The following STK33 variants were observed in gnomAD, a reference collection of about 807,000 sequenced individuals.
The protein encoded by STK33 is serine/threonine kinase 33.
STK33 carries 52 observed loss-of-function variants against 58.0 expected under a neutral mutation model. The observed-to-expected ratio is 0.90, with a 90% confidence interval of 0.72 to 1.13. STK33 has a LOEUF of 1.13. Ranked by LOEUF, STK33 falls within the 50% of genes most tolerant of loss-of-function variation. The pLI is 0.00. For missense variants in STK33, 630 were observed against 604.2 expected, an observed-to-expected ratio of 1.04 and a Z score of -0.45; for synonymous variants, 215 against 200.1, an observed-to-expected ratio of 1.07 and a Z score of -0.63.
chr11:8,390,872 T>C (rs151037124), downstream of STK33, among the ~76,000 whole-genome samples: 1,059 of 152,332 alleles, frequency 7.0e-3, 11 homozygotes, highest in African/African-American at 0.023. Context: ...AACAATAGGA[T>C]CTTCTAATCC....
intron 2 of STK33, among the ~76,000 whole-genome samples, chr11:8,479,466 T>C (rs996064036): frequency 3.3e-5 from 5 of 149,338 alleles, no homozygotes; most frequent in Non-Finnish European, 7.4e-5. Context: ...GAAATTGCAG[T>C]TTAGAGACAG....
At chr11:8,496,383 T>G (rs1034687812) in intron 1 of STK33, among the ~76,000 whole-genome samples, 3 of 152,206 alleles carry the variant, frequency 2.0e-5, no homozygotes, top group Non-Finnish European at 2.9e-5. Context: ...TTGCTGGTGC[T>G]TCTATGATTA....
intron 6 of STK33, among the ~76,000 whole-genome samples, chr11:8,470,291 A>T (rs909264834): frequency 6.6e-6 from 1 of 152,158 alleles, no homozygotes; most frequent in Non-Finnish European, 1.5e-5. Flanking sequence ...TACTTTCTTT[A>T]AACCTCCTGA....
chr11:8,407,333 T>C (rs1939414948), intron 15 of STK33, among the ~76,000 whole-genome samples: 1 of 152,042 alleles, frequency 6.6e-6, no homozygotes, highest in Non-Finnish European at 1.5e-5. Flanking sequence ...CATGTTTAGG[T>C]ATTGTTGTTA....
At chr11:8,336,790 G>T in the STK33 span, among the ~76,000 whole-genome samples, 2 of 152,258 alleles carry the variant, frequency 1.3e-5, no homozygotes, top group Admixed American at 1.3e-4. Context: ...GAGCCAGTCT[G>T]CCTCCTGGGC....
At chr11:8,354,949 T>C in the STK33 span, among the ~76,000 whole-genome samples, 1 of 152,252 alleles carries the variant, frequency 6.6e-6, no homozygotes. Context: ...AGGCGCAGCC[T>C]GAATGCTTCT....
chr11:8,590,942 A>T (rs539288546), intron 1 of STK33, among the ~76,000 whole-genome samples: 2 of 152,356 alleles, frequency 1.3e-5, no homozygotes, highest in Non-Finnish European at 2.9e-5. Flanking sequence ...CTTTTTAAAA[A>T]CAGGGAAGTT....
At chr11:8,483,324 A>G (rs1293209466) in intron 1 of STK33, among the ~76,000 whole-genome samples, 8 of 152,174 alleles carry the variant, frequency 5.3e-5, no homozygotes, top group African/African-American at 1.9e-4. Context: ...AGGCAAGAAA[A>G]ATAGGAGAGA....
rs952660430 is a variant in STK33 at position 8,420,303 on chromosome 11, T to C, written c.1147-6611A>G. On this transcript the variant is annotated intron_variant, in intron 14 of 15. Transcript: ENST00000687296. ...TAAAGTAGTCAACTGTGTACCACTT[T>C]CATGTTTTTCCTAACAAAATCACCT... is the stretch of plus-strand genomic sequence containing the variant. Among the ~76,000 whole-genome samples, 4 of 152,310 alleles carry C rather than the reference T, an allele frequency of 2.6e-5. No individual in the cohort carries two copies. The East Asian group carries it at 7.7e-4, about 29-fold the overall frequency.
chr11:8,473,339 G>T (rs1238077454), intron 5 of STK33, 63 bp from the exon 6 acceptor site: 116 of 980,884 alleles, frequency 1.2e-4, no homozygotes, highest in Non-Finnish European at 1.5e-4. Context: ...TGTTGACAAA[G>T]AATCCTAATT....
intron 2 of STK33, among the ~76,000 whole-genome samples, chr11:8,479,810 T>C (rs1300385016): frequency 6.6e-6 from 1 of 152,020 alleles, no homozygotes; most frequent in Non-Finnish European, 1.5e-5. Flanking sequence ...ACCACTGCAC[T>C]CTAGCCTGGG....
At chr11:8,376,743 T>C in the STK33 span, among the ~76,000 whole-genome samples, 4 of 151,988 alleles carry the variant, frequency 2.6e-5, no homozygotes, top group Non-Finnish European at 5.9e-5. Flanking sequence ...GGTTTCACCA[T>C]GTTGGCCAGG....
chr11:8,498,748 G>T (rs1424927575), intron 1 of STK33, among the ~76,000 whole-genome samples: 1 of 152,084 alleles, frequency 6.6e-6, no homozygotes, highest in Non-Finnish European at 1.5e-5. Flanking sequence ...TAGACCAATG[G>T]AACAGAACAG....
intron 1 of STK33, among the ~76,000 whole-genome samples, chr11:8,555,781 G>C (rs1056735973): frequency 2.0e-5 from 3 of 152,134 alleles, no homozygotes; most frequent in African/African-American, 7.2e-5. Context: ...ACTCCATGCT[G>C]TGTGCATGTA....
At chr11:8,522,510 A>G (rs1409544763) in intron 1 of STK33, among the ~76,000 whole-genome samples, 1 of 152,016 alleles carries the variant, frequency 6.6e-6, no homozygotes, top group Non-Finnish European at 1.5e-5. Flanking sequence ...ATCTAACACC[A>G]CACACAAAAA....
intron 1 of STK33, among the ~76,000 whole-genome samples, chr11:8,497,656 C>G (rs963100947): frequency 2.0e-5 from 3 of 152,024 alleles, no homozygotes; most frequent in Non-Finnish European, 2.9e-5. Flanking sequence ...GAGATGGGGT[C>G]TCACCGTATT....
intron 1 of STK33, among the ~76,000 whole-genome samples, chr11:8,533,975 G>A (rs567522084): frequency 6.6e-6 from 1 of 152,188 alleles, no homozygotes; most frequent in African/African-American, 2.4e-5. Flanking sequence ...CCATGTTTAT[G>A]CCCTCAAACT....
At chr11:8,389,758 G>A (rs940605856), downstream of STK33, among the ~76,000 whole-genome samples, 1 of 152,180 alleles carries the variant, frequency 6.6e-6, no homozygotes, top group Non-Finnish European at 1.5e-5. Context: ...AGCACAAGAT[G>A]TTTTGATTTT....
chr11:8,566,899 C>T (rs550158783), intron 1 of STK33, among the ~76,000 whole-genome samples: 1 of 152,168 alleles, frequency 6.6e-6, no homozygotes, highest in African/African-American at 2.4e-5. Flanking sequence ...CTGGGCGTGG[C>T]GGCTCATGCC....
Sources: allele counts gnomAD v4.1 joint callset (sites outside exome capture counted in the v4.1 genomes callset), GRCh38; gene constraint gnomAD v4.1.1; transcripts MANE v1.5; gene names NCBI Gene and HGNC (gene_info 2026-07-23, HGNC 2026-07-21).